DSCAM: variants seen among roughly 807,000 people sequenced by gnomAD.
The protein encoded by DSCAM is cell adhesion molecule DSCAM.
A neutral mutation model predicts 217.7 loss-of-function variants in DSCAM; 47 were observed. That is an observed-to-expected ratio of 0.22 (90% CI 0.17 to 0.28). The LOEUF is 0.28. Ranked by LOEUF, DSCAM falls within the 10% of genes least tolerant of loss-of-function variation. The pLI is 1.00. For synonymous variants in DSCAM, 1,056 were observed against 1,015.3 expected, an observed-to-expected ratio of 1.04 and a Z score of -0.76; for missense variants, 2,080 against 2,618.3, an observed-to-expected ratio of 0.79 and a Z score of 4.49.
intron 32 of DSCAM, among the ~76,000 whole-genome samples, chr21:40,021,698 C>T (rs772206447): frequency 6.6e-6 from 1 of 152,194 alleles, no homozygotes; most frequent in South Asian, 2.1e-4. Context: ...CCATTAATGT[C>T]TCCAAAAGTT....
intron 3 of DSCAM, among the ~76,000 whole-genome samples, chr21:40,465,702 G>C (rs182480506): frequency 6.6e-6 from 1 of 152,066 alleles, no homozygotes; most frequent in Non-Finnish European, 1.5e-5. Flanking sequence ...TTTATGAGTG[G>C]CCCAAGACAA....
At chr21:40,563,987 C>T (rs1368250815) in intron 3 of DSCAM, among the ~76,000 whole-genome samples, 4 of 152,160 alleles carry the variant, frequency 2.6e-5, no homozygotes, top group African/African-American at 9.7e-5. Flanking sequence ...GAGCTGTGAG[C>T]AAGGCCAGCC....
chr21:40,279,994 G>C (rs1464880392), intron 10 of DSCAM, among the ~76,000 whole-genome samples: 1 of 152,094 alleles, frequency 6.6e-6, no homozygotes, highest in East Asian at 1.9e-4. Context: ...AGAGCATTAG[G>C]ACAAATACCT....
intron 18 of DSCAM, among the ~76,000 whole-genome samples, chr21:40,139,287 G>A (rs1414432198): frequency 6.6e-6 from 1 of 151,974 alleles, no homozygotes; most frequent in Non-Finnish European, 1.5e-5. Context: ...GACAACACGT[G>A]CCCAGGGTGG....
chr21:40,140,689 A>T (rs1406230122), intron 18 of DSCAM, among the ~76,000 whole-genome samples: 1 of 152,104 alleles, frequency 6.6e-6, no homozygotes, highest in Non-Finnish European at 1.5e-5. Context: ...ATTGCTCTTT[A>T]CTCTGGGGTG....
intron 3 of DSCAM, among the ~76,000 whole-genome samples, chr21:40,552,725 T>C (rs527856271): frequency 1.3e-5 from 2 of 152,328 alleles, no homozygotes; most frequent in Admixed American, 6.5e-5. Context: ...AATTCTTATC[T>C]AGATGAATTA....
rs117783491 is a variant in DSCAM, at chr21:40,430,600, A to G, written c.509-61355T>C. Reference sequence around the variant, plus strand: ...GTGAGATCCTATGATTGTGTAAGTTAATACGTAATAAACTCCCCTATATAT... The same window carrying G: ...GTGAGATCCTATGATTGTGTAAGTTGATACGTAATAAACTCCCCTATATAT... On this transcript the variant is annotated intron_variant, in intron 3 of 32. Coordinates refer to ENST00000400454, the MANE Select transcript of DSCAM (RefSeq NM_001389.5). Among the ~76,000 whole-genome samples the G allele has an allele frequency of 6.9e-3, 1,046 of 152,300 alleles. 4 individuals carry two copies. The highest frequency in any genetic ancestry group is 0.011 in the Non-Finnish European group (764 of 68,030).
At chr21:40,299,901 C>T (rs901468846) in intron 9 of DSCAM, among the ~76,000 whole-genome samples, 1 of 152,040 alleles carries the variant, frequency 6.6e-6, no homozygotes, top group Non-Finnish European at 1.5e-5. Flanking sequence ...AAGAAATTGT[C>T]CTAAAAGAAT....
intron 3 of DSCAM, among the ~76,000 whole-genome samples, chr21:40,540,702 C>A (rs1316290752): frequency 2.6e-5 from 4 of 152,126 alleles, no homozygotes; most frequent in Non-Finnish European, 5.9e-5. Flanking sequence ...TTGCTTTCTG[C>A]CAAAATGCCC....
chr21:40,843,382 G>GCA (rs1395268756), intron 1 of DSCAM, among the ~76,000 whole-genome samples: 1 of 150,604 alleles, frequency 6.6e-6, no homozygotes, highest in Non-Finnish European at 1.5e-5. Context: ...GTGTGTGTGT[G>GCA]TGTGTGTGTG....
chr21:40,254,892 T>C (rs2073350739), intron 11 of DSCAM, among the ~76,000 whole-genome samples: 1 of 151,950 alleles, frequency 6.6e-6, no homozygotes, highest in Non-Finnish European at 1.5e-5. Flanking sequence ...TCACGTGCCA[T>C]CTAGTAAGTG....
intron 6 of DSCAM, among the ~76,000 whole-genome samples, chr21:40,340,079 T>C (rs1045163145): frequency 1.8e-4 from 27 of 152,216 alleles, no homozygotes; most frequent in Non-Finnish European, 3.4e-4. Flanking sequence ...AAATGCCGTG[T>C]ATTAAAAACC....
chr21:40,754,462 A>G (rs571305364), intron 1 of DSCAM, among the ~76,000 whole-genome samples: 1 of 152,348 alleles, frequency 6.6e-6, no homozygotes, highest in South Asian at 2.1e-4. Context: ...CGGTCAATGA[A>G]GGGCACATTA....
intron 1 of DSCAM, among the ~76,000 whole-genome samples, chr21:40,809,168 C>T (rs2091815087): frequency 6.6e-6 from 1 of 152,044 alleles, no homozygotes. Context: ...TTCCAGGGTT[C>T]CCCAGGTCAG....
At chr21:40,080,920 G>A (rs1229969002) in intron 24 of DSCAM, among the ~76,000 whole-genome samples, 2 of 152,118 alleles carry the variant, frequency 1.3e-5, no homozygotes, top group Non-Finnish European at 2.9e-5. Flanking sequence ...CCCCACATGA[G>A]CACTACCTCT....
At chr21:40,402,217 C>T (rs1163050852) in intron 3 of DSCAM, among the ~76,000 whole-genome samples, 1 of 151,118 alleles carries the variant, frequency 6.6e-6, no homozygotes, top group Non-Finnish European at 1.5e-5. Context: ...CAGGCGCCCG[C>T]CACCACGCCC....
chr21:40,723,510 T>C (rs755154171), intron 1 of DSCAM, among the ~76,000 whole-genome samples: 29 of 152,302 alleles, frequency 1.9e-4, no homozygotes, highest in African/African-American at 2.4e-4. Context: ...CCCCACTCCA[T>C]TGCAATCTAG....
In DSCAM at chr21:40,012,925, AT is replaced by A; in HGVS notation, c.*108del. The A allele has an allele frequency of 1.4e-6, 1 of 740,570 alleles. No homozygotes were observed. Among genetic ancestry groups the A allele is most frequent in the Non-Finnish European group, 1.9e-6 (1 of 533,092 alleles). 45.9% of individuals were successfully genotyped at this position (740,570 alleles called of 1,614,324 possible). On this transcript the variant is annotated 3_prime_UTR_variant, in exon 33 of 33. Transcript: ENST00000400454. ...ATTTTCTCTTTTTTTTTTTTAATAT[AT>A]TTTGGCAATTTTCTTTAATTATAAA...
At chr21:40,289,841 A>C (rs1370434702) in intron 10 of DSCAM, among the ~76,000 whole-genome samples, 1 of 152,186 alleles carries the variant, frequency 6.6e-6, no homozygotes, top group African/African-American at 2.4e-5. Flanking sequence ...AATAGAAGAA[A>C]AAAACAGAAC....
Sources: allele counts gnomAD v4.1 joint callset (sites outside exome capture counted in the v4.1 genomes callset), GRCh38; gene constraint gnomAD v4.1.1; transcripts MANE v1.5; gene names NCBI Gene and HGNC (gene_info 2026-07-23, HGNC 2026-07-21).